The following SYTL2 variants were observed in gnomAD, a reference collection of about 807,000 sequenced individuals.
SYTL2 encodes the protein synaptotagmin like 2.
Under a neutral mutation model 198.7 loss-of-function variants are expected in SYTL2, and 165 were observed. That is an observed-to-expected ratio of 0.83 (90% CI 0.73 to 0.94). The LOEUF is 0.94. SYTL2 is among the 40% of genes least tolerant of loss of function. The probability of loss-of-function intolerance (pLI) is 0.00; values close to 1 mark genes in which losing one functional copy is unlikely to be tolerated. For synonymous variants in SYTL2, 966 were observed against 917.7 expected (o/e 1.05, Z -0.95); for missense variants, 2,835 against 2,582.8 (o/e 1.10, Z -2.12).
At chr11:85,797,668 G>T (rs985550966) in intron 1 of SYTL2, among the ~76,000 whole-genome samples, 1 of 151,466 alleles carries the variant, frequency 6.6e-6, no homozygotes, top group Non-Finnish European at 1.5e-5. Context: ...GAAAACATTA[G>T]TCTTTATTAT....
the SYTL2 span, among the ~76,000 whole-genome samples, chr11:85,833,098 AGAAG>A: frequency 0.027 from 883 of 32,468 alleles, 87 homozygotes; most frequent in South Asian, 0.034. Flanking sequence ...AAAGAAAGAA[AGAAG>A]GAAGGAAGGA....
At chr11:85,845,554 G>C in the SYTL2 span, among the ~76,000 whole-genome samples, 2 of 152,064 alleles carry the variant, frequency 1.3e-5, no homozygotes, top group Non-Finnish European at 2.9e-5. Context: ...CTTGAGCCTA[G>C]GAGTTCAAGG....
At chr11:85,721,074 C>T in intron 8 of SYTL2, 115 bp from the exon 9 acceptor site, 1 of 613,814 alleles carries the variant, frequency 1.6e-6, no homozygotes, top group East Asian at 2.8e-5. Flanking sequence ...TGAGTTTCTA[C>T]TTTAAGAAGC....
chr11:85,704,209 C>T (rs563209421), intron 16 of SYTL2, among the ~76,000 whole-genome samples: 1 of 151,966 alleles, frequency 6.6e-6, no homozygotes, highest in Non-Finnish European at 1.5e-5. Flanking sequence ...AAACAAACTT[C>T]TAATCAAAAG....
chr11:85,811,828 C>T (rs1198570970), upstream of SYTL2, among the ~76,000 whole-genome samples: 1 of 152,112 alleles, frequency 6.6e-6, no homozygotes, highest in Non-Finnish European at 1.5e-5. Flanking sequence ...TGGTCGGGCG[C>T]GGTGGCTCAC....
chr11:85,849,607 C>T, the SYTL2 span, among the ~76,000 whole-genome samples: 12 of 150,538 alleles, frequency 8.0e-5, no homozygotes, highest in South Asian at 8.5e-4. Context: ...AGATATGCGG[C>T]GTTATTTCTG....
At chr11:85,791,587 T>C (rs1048504526) in intron 1 of SYTL2, among the ~76,000 whole-genome samples, 4 of 152,190 alleles carry the variant, frequency 2.6e-5, no homozygotes, top group Non-Finnish European at 4.4e-5. Context: ...ATCATCTAAG[T>C]TTTTACCATC....
chr11:85,841,837 A>T, the SYTL2 span, among the ~76,000 whole-genome samples: 1 of 152,224 alleles, frequency 6.6e-6, no homozygotes, highest in Non-Finnish European at 1.5e-5. Context: ...GTTAAATTTT[A>T]AAAAATCAAG....
At chr11:85,798,794 T>A (rs925285709) in intron 1 of SYTL2, among the ~76,000 whole-genome samples, 16 of 152,194 alleles carry the variant, frequency 1.1e-4, no homozygotes, top group Admixed American at 5.9e-4. Context: ...CCAGAGTTTT[T>A]AATGGGGACA....
the SYTL2 span, among the ~76,000 whole-genome samples, chr11:85,835,956 T>C: frequency 6.6e-6 from 1 of 152,156 alleles, no homozygotes; most frequent in Non-Finnish European, 1.5e-5. Context: ...TTGCTATAAA[T>C]TCAATTCCAC....
chr11:85,789,679 T>C (rs1284260677), intron 1 of SYTL2, among the ~76,000 whole-genome samples: 1 of 151,938 alleles, frequency 6.6e-6, no homozygotes, highest in Non-Finnish European at 1.5e-5. Context: ...TTAAACAATC[T>C]TATGAGTGAT....
At chr11:85,781,029 G>A (rs2092551136) in intron 1 of SYTL2, among the ~76,000 whole-genome samples, 1 of 152,208 alleles carries the variant, frequency 6.6e-6, no homozygotes, top group African/African-American at 2.4e-5. Flanking sequence ...GAAGTGTTCT[G>A]CGCTGTGGTG....
intron 1 of SYTL2, among the ~76,000 whole-genome samples, chr11:85,798,959 AG>A (rs1373544097): frequency 6.6e-6 from 1 of 152,222 alleles, no homozygotes; most frequent in East Asian, 1.9e-4. Context: ...CTGAAATCCA[AG>A]TTCCCTAATG....
At chr11:85,771,377 T>C (rs1170586277) in intron 1 of SYTL2, among the ~76,000 whole-genome samples, 2 of 152,342 alleles carry the variant, frequency 1.3e-5, no homozygotes, top group East Asian at 1.9e-4. Flanking sequence ...TGTAAACAAC[T>C]ATTCATCCCA....
chr11:85,713,025 T>G (rs1228718283), intron 12 of SYTL2, among the ~76,000 whole-genome samples: 1 of 152,190 alleles, frequency 6.6e-6, no homozygotes, highest in Non-Finnish European at 1.5e-5. Context: ...GGCCTCATAT[T>G]ATTATATGGT....
chr11:85,844,632 T>C, the SYTL2 span, among the ~76,000 whole-genome samples: 4 of 152,142 alleles, frequency 2.6e-5, no homozygotes, highest in Non-Finnish European at 5.9e-5. Flanking sequence ...GCCAAAGAGA[T>C]GAGGTCATTC....
intron 1 of SYTL2, among the ~76,000 whole-genome samples, chr11:85,766,098 A>G (rs2092231098): frequency 6.6e-6 from 1 of 152,174 alleles, no homozygotes; most frequent in African/African-American, 2.4e-5. Context: ...TCTGGGCAAG[A>G]GCGCTGGACC....
At chr11:85,849,387 A>C in the SYTL2 span, among the ~76,000 whole-genome samples, 1 of 152,122 alleles carries the variant, frequency 6.6e-6, no homozygotes, top group Non-Finnish European at 1.5e-5. Flanking sequence ...CTGAATGGTA[A>C]TGCCTAGGTT....
At chr11:85,775,242 T>C (rs557191411) in intron 1 of SYTL2, among the ~76,000 whole-genome samples, 13 of 152,256 alleles carry the variant, frequency 8.5e-5, no homozygotes, top group African/African-American at 2.4e-4. Flanking sequence ...TGTCCCTCCC[T>C]CCCTCCTTCC....
Sources: allele counts gnomAD v4.1 joint callset (sites outside exome capture counted in the v4.1 genomes callset), GRCh38; gene constraint gnomAD v4.1.1; transcripts MANE v1.5; gene names NCBI Gene and HGNC (gene_info 2026-07-23, HGNC 2026-07-21).